Variants in ITSN2 observed in about 807,000 individuals in gnomAD.
ITSN2 encodes the protein intersectin-2.
A neutral mutation model predicts 243.7 loss-of-function variants in ITSN2; 156 were observed. The observed-to-expected ratio is 0.64, with a 90% CI of 0.56 to 0.73. The LOEUF is 0.73. ITSN2 is among the 30% of genes least tolerant of loss of function. The probability of loss-of-function intolerance (pLI) is 0.00; values close to 1 mark genes in which losing one functional copy is unlikely to be tolerated. For missense variants in ITSN2, 1,801 were observed against 1,996.1 expected (o/e 0.90, Z 1.86); for synonymous variants, 703 against 699.9 (o/e 1.00, Z -0.07).
chr2:24,317,995 A>C (rs1684123483), intron 2 of ITSN2, among the ~76,000 whole-genome samples: 2 of 152,142 alleles, frequency 1.3e-5, no homozygotes, highest in African/African-American at 4.8e-5. Context: ...GGCAAGATTG[A>C]GCAGAAGGTA....
chr2:24,269,198 T>C (rs778752613), intron 20 of ITSN2, among the ~76,000 whole-genome samples: 2 of 152,048 alleles, frequency 1.3e-5, no homozygotes, highest in Non-Finnish European at 2.9e-5. Flanking sequence ...ATGAGCTCCA[T>C]TACTCTCATG....
At position 24,225,599 on chromosome 2, in the gene ITSN2, C is replaced by T. The variant is rs1179779859; in HGVS notation, c.3578-4533G>A. ...TGGTGTTTCCTTCTGTCTTCTGCCT[C>T]TTGCCTGCTGCCTGGCTCTCTGCTC... On this transcript the variant is annotated intron_variant, in intron 29 of 39. Coordinates refer to ENST00000355123, the MANE Select transcript of ITSN2 (RefSeq NM_006277.3). This position sits in a 1 kb window ranked among gnomAD's most constrained non-coding sequence, Gnocchi z 4.2. 6.6e-6 allele frequency among the ~76,000 whole-genome samples: 1 copy of T among 152,194 alleles called. No individual in the cohort carries two copies. The highest frequency in any genetic ancestry group is 1.9e-4 in the East Asian group (1 of 5,184).
Position 24,211,246 on chromosome 2 carries a change from C to G in ITSN2, c.4090-299G>C, listed in dbSNP as rs1338003099. ...GGCTCCCGGTAATAGGCGGGAGCCT[C>G]CCGACTCCTTCCGAAATTTAAGCCA... On this transcript the variant is annotated intron_variant, in intron 33 of 39. Transcript: ENST00000355123. This position sits in a 1 kb window ranked among gnomAD's most constrained non-coding sequence, Gnocchi z 4.1. Among the ~76,000 whole-genome samples the G allele has an allele frequency of 6.6e-6, 1 of 152,184 alleles. No homozygotes were observed. Among genetic ancestry groups the G allele is most frequent in the African/African-American group, 2.4e-5 (1 of 41,440 alleles).
chr2:24,331,219 G>A (rs752353732), intron 1 of ITSN2, among the ~76,000 whole-genome samples: 5 of 151,588 alleles, frequency 3.3e-5, no homozygotes, highest in Non-Finnish European at 7.4e-5. Flanking sequence ...TTACAGTTGC[G>A]CATCATCACG....
intron 1 of ITSN2, among the ~76,000 whole-genome samples, chr2:24,356,893 G>A (rs1688496764): frequency 6.8e-6 from 1 of 147,080 alleles, no homozygotes; most frequent in Non-Finnish European, 1.5e-5. Flanking sequence ...ACAAGAGTGA[G>A]ACTCCGTCTC....
intron 17 of ITSN2, among the ~76,000 whole-genome samples, chr2:24,280,486 A>G (rs1678635145): frequency 6.6e-6 from 1 of 152,198 alleles, no homozygotes. Flanking sequence ...GTGATCAGGA[A>G]ACTATCATAC....
chr2:24,271,315 T>C (rs1009724456), intron 19 of ITSN2, among the ~76,000 whole-genome samples: 1 of 152,180 alleles, frequency 6.6e-6, no homozygotes, highest in Non-Finnish European at 1.5e-5. Context: ...TGTTTTAACT[T>C]ATAAAATTTC....
chr2:24,331,160 C>T (rs1222021410), intron 1 of ITSN2, among the ~76,000 whole-genome samples: 1 of 151,644 alleles, frequency 6.6e-6, no homozygotes, highest in Non-Finnish European at 1.5e-5. Flanking sequence ...CAACCTCCGC[C>T]TCCCAGGTTC....
At chr2:24,297,553 T>C (rs1307950477) in intron 13 of ITSN2, among the ~76,000 whole-genome samples, 2 of 143,394 alleles carry the variant, frequency 1.4e-5, no homozygotes, top group Non-Finnish European at 3.2e-5. Context: ...AGAATCTTTT[T>C]TTTTCCAAGC....
In ITSN2 at chr2:24,297,141, T is replaced by C. The variant is rs1466418011; in HGVS notation, c.1495-1337A>G. Among the ~76,000 whole-genome samples the C allele has an allele frequency of 2.6e-5, 4 of 152,364 alleles. No individual in the cohort carries two copies. The South Asian group carries it at 8.3e-4, about 32-fold the overall frequency. On this transcript the variant is annotated intron_variant, in intron 13 of 39. Coordinates refer to ENST00000355123, the MANE Select transcript of ITSN2 (RefSeq NM_006277.3). ...CTTGTGGTATGTATGTCTATCCATT[T>C]GAAGGAATAAAATAATATATTTCTG... is the stretch of plus-strand genomic sequence containing the variant.
intron 25 of ITSN2, among the ~76,000 whole-genome samples, chr2:24,250,789 C>G (rs1327747074): frequency 6.6e-6 from 1 of 152,080 alleles, no homozygotes; most frequent in African/African-American, 2.4e-5. Flanking sequence ...TCTTCATTTT[C>G]TCTCATGTAT....
At position 24,248,723 on chromosome 2, in the gene ITSN2, A is replaced by G; in HGVS notation, c.3194T>C (p.Val1065Ala). 1 of 1,613,498 alleles carries G rather than the reference A, an allele frequency of 6.2e-7. No homozygotes were observed. Among genetic ancestry groups the G allele is most frequent in the Non-Finnish European group, 8.5e-7 (1 of 1,179,720 alleles). Residue 1065 changes from valine (V) to alanine (A), a missense_variant, in exon 27 of 40, where the codon GTT becomes GCT. Val to Ala is a moderately conservative substitution (Grantham distance 64). This residue lies in a region of ITSN2 where 928 missense variants were observed against 1,065.4 expected (regional missense o/e 0.87). Transcript: ENST00000355123. The stretch of plus-strand genomic sequence containing the variant: ...GCTAAGTTGTTCAGAACCAGAAGCA[A>G]CATATGCTGAAGTTACCTGAGCAAT... ...PEIAQVTSAY[V>A]ASGSEQLSLA...
intron 30 of ITSN2, among the ~76,000 whole-genome samples, chr2:24,219,093 T>A (rs1670217320): frequency 6.6e-6 from 1 of 152,112 alleles, no homozygotes; most frequent in Non-Finnish European, 1.5e-5. Context: ...CACTTCTGTT[T>A]CCTCCTCCTG....
rs1435357275 is a variant in ITSN2 at position 24,337,329 on chromosome 2, T to TACATATATATATATATATATAC, written c.-33-9215_-33-9214insGTATATATATATATATATATGT. On this transcript the variant is annotated intron_variant, in intron 1 of 39. Coordinates refer to ENST00000355123, the MANE Select transcript of ITSN2 (RefSeq NM_006277.3). ...TGTATACACAAAATATATATATATA[T>TACATATATATATATATATATAC]ATATATATATATATATATATATATG... Among the ~76,000 whole-genome samples, 3 of 94,462 alleles carry TACATATATATATATATATATAC rather than the reference T, an allele frequency of 3.2e-5. 1 individual carries two copies. Among genetic ancestry groups the TACATATATATATATATATATAC allele is most frequent in the Admixed American group, 2.3e-4 (2 of 8,584 alleles). The allele number at this position is 94,462 out of a possible 152,430, so 62.0% of individuals were successfully genotyped here. A position where few individuals can be genotyped will look rare whatever the true frequency, so the allele number is the denominator to read the frequency against.
chr2:24,244,203 G>A (rs1673078272), intron 29 of ITSN2, among the ~76,000 whole-genome samples: 1 of 152,172 alleles, frequency 6.6e-6, no homozygotes, highest in Non-Finnish European at 1.5e-5. Flanking sequence ...AAACTATGCT[G>A]CTTCTTTTTG....
At chr2:24,294,739 CT>C (rs1201789977) in intron 14 of ITSN2, among the ~76,000 whole-genome samples, 1 of 152,070 alleles carries the variant, frequency 6.6e-6, no homozygotes, top group Non-Finnish European at 1.5e-5. Context: ...TAGCAATAAC[CT>C]TATTTTAATG....
intron 13 of ITSN2, among the ~76,000 whole-genome samples, chr2:24,297,161 T>C (rs1392793271): frequency 6.6e-6 from 1 of 152,192 alleles, no homozygotes; most frequent in African/African-American, 2.4e-5. Flanking sequence ...AAATAATATA[T>C]TTCTGACTAA....
At chr2:24,258,223 A>T in intron 22 of ITSN2, 130 bp from the exon 23 acceptor site, 1 of 650,898 alleles carries the variant, frequency 1.5e-6, no homozygotes, top group South Asian at 1.9e-5. Context: ...AGATAACCTT[A>T]GTCTACTAAC....
intron 9 of ITSN2, among the ~76,000 whole-genome samples, chr2:24,302,459 A>G (rs991043425): frequency 2.0e-5 from 3 of 152,056 alleles, no homozygotes; most frequent in Non-Finnish European, 2.9e-5. Flanking sequence ...CAGCCTCCCA[A>G]AGTGCTGAGA....
Sources: allele counts gnomAD v4.1 joint callset (sites outside exome capture counted in the v4.1 genomes callset), GRCh38; gene constraint gnomAD v4.1.1; regional missense constraint gnomAD v4.1.1; non-coding constraint Gnocchi (gnomAD v3.1); transcripts MANE v1.5; gene names NCBI Gene and HGNC (gene_info 2026-07-23, HGNC 2026-07-21).